LRP5: variants seen among roughly 807,000 people sequenced by gnomAD.
LRP5 encodes LDL receptor related protein 5, also known as low-density lipoprotein receptor-related protein 5.
In LRP5, 62 loss-of-function variants were observed where a neutral mutation model predicts 154.1. The observed-to-expected ratio is 0.40, with a 90% CI of 0.33 to 0.50. The LOEUF is 0.50. Among genes scored for constraint, LRP5 ranks in the 20% least tolerant of loss-of-function variants. LRP5 has a pLI of 0.55. For missense variants in LRP5, 1,915 were observed against 2,336.7 expected, an observed-to-expected ratio of 0.82 and a Z score of 3.72; for synonymous variants, 966 against 1,011.5, an observed-to-expected ratio of 0.96 and a Z score of 0.85.
intron 1 of LRP5, among the ~76,000 whole-genome samples, chr11:68,313,475 G>A (rs1293270811): frequency 1.3e-5 from 2 of 152,176 alleles, no homozygotes; most frequent in Non-Finnish European, 2.9e-5. Flanking sequence ...GGCAGTGGGG[G>A]AGGCAGGCTT....
At position 68,430,415 on chromosome 11, in the gene LRP5, G is replaced by A. The variant is rs537129060; in HGVS notation, c.3763+715G>A. 3.6e-3 allele frequency among the ~76,000 whole-genome samples: 551 copies of A among 152,166 alleles called. 4 individuals are homozygous for A. The highest frequency in any genetic ancestry group is 5.7e-3 in the Non-Finnish European group (386 of 67,988). On this transcript the variant is annotated intron_variant, in intron 17 of 22. Transcript: ENST00000294304. ...TCTCGAACTCCTGACCTCGTGATCC[G>A]CCCACCTCGGCCTCCCAAAGTGCTG...
chr11:68,446,965 G>T (rs1034983110), intron 22 of LRP5: 1 of 301,264 alleles, frequency 3.3e-6, no homozygotes, highest in Non-Finnish European at 6.6e-6. Context: ...AGCACCCACC[G>T]TAGACCCCTA....
chr11:68,403,955 G>A (rs1267219006), intron 8 of LRP5: 1 of 571,360 alleles, frequency 1.8e-6, no homozygotes, highest in Non-Finnish European at 3.1e-6. Context: ...CCTGCTGTGT[G>A]CCCGGCCCTG....
At chr11:68,339,881 T>C (rs2098607926) in intron 1 of LRP5, among the ~76,000 whole-genome samples, 1 of 152,162 alleles carries the variant, frequency 6.6e-6, no homozygotes. Context: ...GGTCATAGGA[T>C]CATTCTATGT....
At chr11:68,421,686 CTGTGTGTGTGTGTGTGTGTGTG>C (rs148066763) in intron 13 of LRP5, among the ~76,000 whole-genome samples, 1 of 133,330 alleles carries the variant, frequency 7.5e-6, no homozygotes, top group Non-Finnish European at 1.6e-5. Flanking sequence ...CCCAGCAAGG[CTGTGTGTGTGTGTGTGTGTGTG>C]TGTGTGTGTG....
intron 18 of LRP5, among the ~76,000 whole-genome samples, chr11:68,436,384 T>C (rs1316020640): frequency 6.6e-6 from 1 of 152,212 alleles, no homozygotes. Flanking sequence ...TCTTCCTCCC[T>C]GGCCAGAGAC....
Position 68,312,727 on chromosome 11 carries a change from C to A in LRP5, c.13C>A (p.Pro5Thr). 9.5e-7 allele frequency: 1 copy of A among 1,050,088 alleles called. No homozygotes were observed. 65.0% of individuals were successfully genotyped at this position (1,050,088 alleles called of 1,614,324 possible). MEAA[P>T]PGPPWPLLLL... The stretch of plus-strand genomic sequence containing the variant: ...GCCGCCGGACAACATGGAGGCAGCG[C>A]CGCCCGGGCCGCCGTGGCCGCTGCT... Residue 5 changes from proline to threonine, a missense_variant, in exon 1 of 23, where the codon CCG becomes ACG. Transcript: ENST00000294304.
At chr11:68,337,840 C>T (rs1457112377) in intron 1 of LRP5, among the ~76,000 whole-genome samples, 2 of 152,052 alleles carry the variant, frequency 1.3e-5, no homozygotes, top group Non-Finnish European at 2.9e-5. Context: ...GGAAACCTGC[C>T]AACTCCACCC....
At chr11:68,445,539 CA>C in intron 21 of LRP5, 2 of 1,224,686 alleles carry the variant, frequency 1.6e-6, no homozygotes, top group Non-Finnish European at 2.2e-6. Flanking sequence ...GTCCCTCGGG[CA>C]TAACTGACAG....
At position 68,386,611 on chromosome 11, in the gene LRP5, G is replaced by A. The variant is rs374322550; in HGVS notation, c.1311G>A (p.Thr437=). ...ARNLYWTDTG[T]DRIEVTRLNG... is the part of the protein sequence containing the mutation. Reference sequence around the variant, plus strand: ...ACCTCTACTGGACCGACACGGGCACGGACCGCATCGAGGTGACGCGCCTCA... The same window carrying A: ...ACCTCTACTGGACCGACACGGGCACAGACCGCATCGAGGTGACGCGCCTCA... The change falls in exon 6 of 23, where the codon ACG becomes ACA. Residue 437 remains threonine (T), a synonymous_variant. Transcript: ENST00000294304. The surrounding 1 kb of genome is among the most constrained non-coding windows in gnomAD (Gnocchi z 7.9). 4.0e-5 allele frequency: 65 copies of A among 1,613,546 alleles called. No individual in the cohort carries two copies. The highest frequency in any genetic ancestry group is 5.3e-5 in the Non-Finnish European group (62 of 1,179,944).
Position 68,319,072 on chromosome 11 carries a change from G to GTT in LRP5, c.91+6289_91+6290dup, listed in dbSNP as rs59893808. Among the ~76,000 whole-genome samples the GTT allele has an allele frequency of 7.2e-3, 668 of 92,156 alleles. 3 individuals carry two copies. Among genetic ancestry groups the GTT allele is most frequent in the Non-Finnish European group, 0.01 (465 of 46,492 alleles). 60.5% of individuals were successfully genotyped at this position (92,156 alleles called of 152,430 possible). A position where few individuals can be genotyped will look rare whatever the true frequency, so the allele number is the denominator to read the frequency against. ...CTCACCCCACCGTGCCTGGCTCCTTGTTTTTTTTTTTTTTTTTTTTTTTGA... is the reference window on the plus strand; with the variant it reads ...CTCACCCCACCGTGCCTGGCTCCTTGTTTTTTTTTTTTTTTTTTTTTTTTTGA... On this transcript the variant is annotated intron_variant, in intron 1 of 22. Transcript: ENST00000294304.
intron 18 of LRP5, among the ~76,000 whole-genome samples, chr11:68,435,582 C>T (rs1361483033): frequency 6.6e-6 from 1 of 152,112 alleles, no homozygotes; most frequent in Non-Finnish European, 1.5e-5. Flanking sequence ...ACAGTGAGAG[C>T]CCATTTGCTA....
At position 68,349,082 on chromosome 11, in the gene LRP5, G is replaced by GCAACA. The variant is rs1397393357; in HGVS notation, c.488+839_488+840insCAACA. Among the ~76,000 whole-genome samples, 5 of 145,210 alleles carry GCAACA rather than the reference G, an allele frequency of 3.4e-5. No homozygotes were observed. The Admixed American group carries it at 3.6e-4, about 10-fold the overall frequency. On this transcript the variant is annotated intron_variant, in intron 2 of 22. Transcript: ENST00000294304. ...GGAGTCTCCCTTGTTGCCCAGGCTG[G>GCAACA]AGTGCAGTGGCACAATCTCGGCTCA...
chr11:68,404,365 G>T, intron 8 of LRP5: 1 of 525,064 alleles, frequency 1.9e-6, no homozygotes, highest in Non-Finnish European at 3.7e-6. Flanking sequence ...GCTGATGAAG[G>T]ATGAGAGGAC....
intron 2 of LRP5, among the ~76,000 whole-genome samples, chr11:68,352,585 G>C (rs1320820366): frequency 6.6e-6 from 1 of 152,010 alleles, no homozygotes; most frequent in Non-Finnish European, 1.5e-5. Context: ...GGTGCATGAT[G>C]CTCAGTTGGG....
intron 7 of LRP5, among the ~76,000 whole-genome samples, chr11:68,392,895 G>C (rs1451068405): frequency 6.6e-6 from 1 of 152,168 alleles, no homozygotes; most frequent in African/African-American, 2.4e-5. Context: ...GGGAGGCCAA[G>C]GCGGGACGAT....
chr11:68,424,475 C>T (rs1409026915), intron 14 of LRP5, among the ~76,000 whole-genome samples: 1 of 152,184 alleles, frequency 6.6e-6, no homozygotes, highest in Non-Finnish European at 1.5e-5. Flanking sequence ...TGGGCGGAAG[C>T]CCCGGGTCTA....
intron 7 of LRP5, among the ~76,000 whole-genome samples, chr11:68,397,642 A>G (rs989870128): frequency 1.2e-4 from 11 of 93,548 alleles, no homozygotes; most frequent in East Asian, 4.2e-4. Flanking sequence ...CCGAGTTCCC[A>G]TCACCGTCGT....
At chr11:68,375,896 G>A (rs1591247614) in intron 5 of LRP5, among the ~76,000 whole-genome samples, 2 of 152,338 alleles carry the variant, frequency 1.3e-5, no homozygotes, top group South Asian at 2.1e-4. Context: ...TCGAAAGGAC[G>A]GTGTCTGGGG....
Sources: allele counts gnomAD v4.1 joint callset (sites outside exome capture counted in the v4.1 genomes callset), GRCh38; gene constraint gnomAD v4.1.1; non-coding constraint Gnocchi (gnomAD v3.1); transcripts MANE v1.5; gene names NCBI Gene and HGNC (gene_info 2026-07-23, HGNC 2026-07-21).